Variants in FAR1 observed in about 807,000 individuals in gnomAD.
FAR1 encodes the protein fatty acyl-CoA reductase 1.
FAR1 carries 22 observed loss-of-function variants against 61.1 expected under a neutral mutation model. The observed-to-expected ratio is 0.36, with a 90% CI of 0.26 to 0.51. FAR1 has a LOEUF of 0.51. FAR1 is among the 20% of genes least tolerant of loss of function. FAR1 has a pLI of 0.95. For missense variants in FAR1, 359 were observed against 626.9 expected, an observed-to-expected ratio of 0.57 and a Z score of 4.56; for synonymous variants, 206 against 209.7, an observed-to-expected ratio of 0.98 and a Z score of 0.15.
At chr11:13,689,020 A>G (rs937914162) in intron 1 of FAR1, among the ~76,000 whole-genome samples, 1 of 152,174 alleles carries the variant, frequency 6.6e-6, no homozygotes, top group African/African-American at 2.4e-5. Context: ...GAAGTAGATT[A>G]TAATGAAAGT....
chr11:13,708,112 T>A, intron 4 of FAR1, 33 bp downstream of exon 4: 3 of 1,494,830 alleles, frequency 2.0e-6, no homozygotes, highest in Non-Finnish European at 2.7e-6. Context: ...TACATTTACT[T>A]TGATCCCAAA....
At chr11:13,677,189 GT>G (rs1848076893) in intron 1 of FAR1, among the ~76,000 whole-genome samples, 2 of 152,152 alleles carry the variant, frequency 1.3e-5, no homozygotes, top group Admixed American at 1.3e-4. Context: ...ATACCATAAT[GT>G]TTTTACTTTG....
Position 13,716,061 on chromosome 11 carries a change from A to G in FAR1, c.1127+1381A>G, listed in dbSNP as rs188862314. Reference sequence around the variant, plus strand: ...TAAAGAAATATTTTCAGACTTTTCTAGAATGATCTGCAAAATGCAATACTT... The same window carrying G: ...TAAAGAAATATTTTCAGACTTTTCTGGAATGATCTGCAAAATGCAATACTT... On this transcript the variant is annotated intron_variant, in intron 9 of 11. Coordinates refer to ENST00000354817, the MANE Select transcript of FAR1 (RefSeq NM_032228.6). Among the ~76,000 whole-genome samples the G allele has an allele frequency of 2.8e-3, 422 of 152,354 alleles. 1 individual carries two copies. Among genetic ancestry groups the G allele is most frequent in the Non-Finnish European group, 4.0e-3 (269 of 68,030 alleles).
At chr11:13,698,253 A>AAGTCTTC (rs1412116742) in intron 2 of FAR1, among the ~76,000 whole-genome samples, 3 of 152,126 alleles carry the variant, frequency 2.0e-5, no homozygotes, top group African/African-American at 7.2e-5. Flanking sequence ...CAAATGTTTA[A>AAGTCTTC]AGTCTTTATC....
intron 2 of FAR1, among the ~76,000 whole-genome samples, chr11:13,697,183 G>A (rs1032580833): frequency 2.0e-5 from 3 of 152,164 alleles, no homozygotes; most frequent in African/African-American, 7.2e-5. Context: ...ATCATGGCCT[G>A]TCACGGTGGT....
At position 13,709,415 on chromosome 11, in the gene FAR1, G is replaced by A. The variant is rs143316626; in HGVS notation, c.546-1278G>A. Among the ~76,000 whole-genome samples the A allele has an allele frequency of 5.1e-3, 775 of 152,166 alleles. 10 individuals carry two copies. The highest frequency in any genetic ancestry group is 0.018 in the African/African-American group (734 of 41,518). ...GGAAAAGTTGAGTGTGAAAGTTAAT[G>A]GAGCATTTTACTTTTTCTCTTACTA... On this transcript the variant is annotated intron_variant, in intron 4 of 11. Transcript: ENST00000354817.
chr11:13,724,094 T>G (rs1848643257), intron 10 of FAR1, among the ~76,000 whole-genome samples: 1 of 152,124 alleles, frequency 6.6e-6, no homozygotes, highest in Non-Finnish European at 1.5e-5. Flanking sequence ...TCTGTGAGAA[T>G]TTTTTTGAAG....
intron 1 of FAR1, among the ~76,000 whole-genome samples, chr11:13,675,053 CTT>C (rs10649288): frequency 4.2e-5 from 6 of 144,132 alleles, no homozygotes; most frequent in South Asian, 2.1e-4. Context: ...AATCCCTAGA[CTT>C]TTTTTTTTTT....
intron 1 of FAR1, among the ~76,000 whole-genome samples, chr11:13,687,829 C>A (rs567498197): frequency 6.6e-6 from 1 of 151,818 alleles, no homozygotes; most frequent in Non-Finnish European, 1.5e-5. Context: ...TGGAAACCAT[C>A]ATTCTCAGCA....
intron 5 of FAR1, chr11:13,711,192 T>G: frequency 3.2e-6 from 1 of 308,344 alleles, no homozygotes; most frequent in Non-Finnish European, 6.0e-6. Context: ...GTAGACCCCT[T>G]CCTCTGTAGA....
intron 1 of FAR1, among the ~76,000 whole-genome samples, chr11:13,685,013 G>T (rs562168652): frequency 2.6e-5 from 4 of 152,172 alleles, no homozygotes; most frequent in African/African-American, 7.2e-5. Context: ...TTCAATAAAA[G>T]ATTCTATCTA....
At chr11:13,710,202 A>C (rs926233499) in intron 4 of FAR1, among the ~76,000 whole-genome samples, 2 of 152,114 alleles carry the variant, frequency 1.3e-5, no homozygotes, top group Middle Eastern at 3.4e-3. Context: ...TTAACATGTT[A>C]CTTCATTAGG....
intron 11 of FAR1, 80 bp from the exon 12 acceptor site, chr11:13,728,532 C>G (rs1321112387): frequency 7.9e-7 from 1 of 1,260,746 alleles, no homozygotes; most frequent in Non-Finnish European, 1.1e-6. Context: ...TGATTAAAAA[C>G]TCAGTATTAA....
Position 13,708,627 on chromosome 11 carries a change from A to T in FAR1, c.545+548A>T, listed in dbSNP as rs565850485. On this transcript the variant is annotated intron_variant, in intron 4 of 11. Transcript: ENST00000354817. ...AATATTTGGAGGAAGGCTCCTGAAC[A>T]TCTTATTAGTGATATTAGGGGCTCT... 2.0e-5 allele frequency among the ~76,000 whole-genome samples: 3 copies of T among 152,224 alleles called. No individual in the cohort carries two copies. In the East Asian group the frequency reaches 5.8e-4, roughly 29 times the overall value.
intron 10 of FAR1, chr11:13,723,410 A>G (rs1315420785): frequency 4.9e-6 from 2 of 407,258 alleles, no homozygotes; most frequent in South Asian, 1.8e-5. Context: ...TTTTATTTAT[A>G]TTCTGTCTTA....
At chr11:13,673,906 TA>T (rs894178760) in intron 1 of FAR1, among the ~76,000 whole-genome samples, 1 of 152,218 alleles carries the variant, frequency 6.6e-6, no homozygotes, top group African/African-American at 2.4e-5. Context: ...CTTATCCTAT[TA>T]TTTTTTTAAA....
rs746437633 is a variant in FAR1 at position 13,721,865 on chromosome 11, CAAGT to C, written c.1257+8_1257+11del. On this transcript the variant is annotated splice_region_variant and intron_variant, in intron 10 of 11. Coordinates refer to ENST00000354817, the MANE Select transcript of FAR1 (RefSeq NM_032228.6). This position sits in a 1 kb window ranked among gnomAD's most constrained non-coding sequence, Gnocchi z 4.2. ...TAAACCCTGAAGATAAAAAGGCAAG[CAAGT>C]ATTTTCTGTTTTATATTAGAAAATA... 11 of 1,586,736 alleles carry C rather than the reference CAAGT, an allele frequency of 6.9e-6. No individual in the cohort carries two copies. In the South Asian group the frequency reaches 8.1e-5, roughly 12 times the overall value.
In FAR1 at chr11:13,711,998, T is replaced by C; in HGVS notation, c.839T>C (p.Val280Ala). Residue 280 changes from valine to alanine, a missense_variant, in exon 7 of 12, where the codon GTA becomes GCA. Physicochemically the swap from Val to Ala is moderately conservative, Grantham distance 64 (BLOSUM62 0). Coordinates refer to ENST00000354817, the MANE Select transcript of FAR1 (RefSeq NM_032228.6). ...NALADLVPVD[V>A]VVNMSLAAAW... Reference sequence around the variant, plus strand: ...CTTGCAGATCTTGTTCCTGTAGATGTAGTTGTCAACATGAGTCTTGCGGCA... The same window carrying C: ...CTTGCAGATCTTGTTCCTGTAGATGCAGTTGTCAACATGAGTCTTGCGGCA... 6.2e-7 allele frequency: 1 copy of C among 1,613,452 alleles called. No homozygotes were observed. Among genetic ancestry groups the C allele is most frequent in the Non-Finnish European group, 8.5e-7 (1 of 1,179,506 alleles).
At chr11:13,693,869 T>C (rs1395488550) in intron 1 of FAR1, among the ~76,000 whole-genome samples, 7 of 152,196 alleles carry the variant, frequency 4.6e-5, no homozygotes, top group African/African-American at 1.7e-4. Context: ...ATTTTTTAAT[T>C]ATGAAAAATT....
Sources: gnomAD v4.1 joint callset for allele counts (sites outside exome capture counted in the v4.1 genomes callset) on GRCh38, gnomAD v4.1.1 for gene constraint, Gnocchi (gnomAD v3.1) non-coding constraint, MANE v1.5 for transcripts, NCBI Gene and HGNC (gene_info 2026-07-23, HGNC 2026-07-21) for gene names.